ANKS1B: variants seen among roughly 807,000 people sequenced by gnomAD.
ANKS1B encodes ankyrin repeat and sterile alpha motif domain containing 1B.
Under a neutral mutation model 148.3 loss-of-function variants are expected in ANKS1B, and 36 were observed. The observed-to-expected ratio is 0.24, with a 90% CI of 0.19 to 0.32. ANKS1B has a LOEUF of 0.32. Ranked by LOEUF, ANKS1B falls within the 10% of genes least tolerant of loss-of-function variation. ANKS1B has a pLI of 1.00. For synonymous variants in ANKS1B, 542 were observed against 560.8 expected (o/e 0.97, Z 0.47); for missense variants, 1,157 against 1,542.6 (o/e 0.75, Z 4.19).
chr12:99,822,118 T>C (rs1438952209), intron 2 of ANKS1B, among the ~76,000 whole-genome samples: 2 of 152,066 alleles, frequency 1.3e-5, no homozygotes, highest in South Asian at 2.1e-4. Context: ...AATTTATACA[T>C]TTTAAGAGAA....
At chr12:99,615,467 C>T in intron 9 of ANKS1B, among the ~76,000 whole-genome samples, 1 of 152,094 alleles carries the variant, frequency 6.6e-6, no homozygotes, top group East Asian at 1.9e-4. Context: ...AACAAACCTC[C>T]CTGACAATGT....
At chr12:99,316,965 A>AGATCAGATG (rs1566877223) in intron 12 of ANKS1B, among the ~76,000 whole-genome samples, 2 of 152,176 alleles carry the variant, frequency 1.3e-5, no homozygotes, top group Non-Finnish European at 2.9e-5. Flanking sequence ...GGTTTGTGAA[A>AGATCAGATG]GATCAGATGG....
chr12:99,918,444 A>G (rs1308918996), intron 1 of ANKS1B, among the ~76,000 whole-genome samples: 1 of 152,212 alleles, frequency 6.6e-6, no homozygotes, highest in Admixed American at 6.5e-5. Flanking sequence ...CTGATTTAAA[A>G]GAGAATCTGA....
At chr12:99,062,701 G>A (rs952957029) in intron 16 of ANKS1B, among the ~76,000 whole-genome samples, 3 of 152,276 alleles carry the variant, frequency 2.0e-5, no homozygotes, top group Admixed American at 1.3e-4. Context: ...GAAGAAAAGG[G>A]GGAGATGAGA....
intron 10 of ANKS1B, among the ~76,000 whole-genome samples, chr12:99,490,940 T>C (rs2096548939): frequency 6.6e-6 from 1 of 152,224 alleles, no homozygotes; most frequent in South Asian, 2.1e-4. Flanking sequence ...TACAAGATTA[T>C]ATTTTCAGTA....
At chr12:98,982,590 T>G (rs1306841201) in intron 17 of ANKS1B, among the ~76,000 whole-genome samples, 1 of 152,216 alleles carries the variant, frequency 6.6e-6, no homozygotes, top group Admixed American at 6.5e-5. Flanking sequence ...TGCTTGTCAC[T>G]TCAATATATA....
chr12:98,869,106 C>T (rs573851972), intron 17 of ANKS1B, among the ~76,000 whole-genome samples: 2 of 152,258 alleles, frequency 1.3e-5, no homozygotes, highest in African/African-American at 4.8e-5. Flanking sequence ...GGCCAAGTAG[C>T]CCTTGCACAC....
At position 98,803,910 on chromosome 12, in the gene ANKS1B, C is replaced by T. The variant is rs183756745; in HGVS notation, c.3142-2785G>A. Among the ~76,000 whole-genome samples the T allele has an allele frequency of 2.1e-3, 315 of 152,304 alleles. 1 individual carries two copies. Among genetic ancestry groups the T allele is most frequent in the Middle Eastern group, 3.4e-3 (1 of 294 alleles). The stretch of plus-strand genomic sequence containing the variant: ...TGCTGATCCAAATATTTACGTCATC[C>T]ACATAAGTTGTAGCAGCCATTGTGG... On this transcript the variant is annotated intron_variant, in intron 20 of 26. Coordinates refer to ENST00000683438, the MANE Select transcript of ANKS1B (RefSeq NM_001352186.2).
In ANKS1B at chr12:99,703,619, A is replaced by G. The variant is rs186448485; in HGVS notation, c.1129-48409T>C. On this transcript the variant is annotated intron_variant, in intron 8 of 26. Coordinates refer to ENST00000683438, the MANE Select transcript of ANKS1B (RefSeq NM_001352186.2). ...CTCAGCTCAGACACTGCTTTTGTGAAGTCATTGTGAATCCTGTTCTCCTCC... is the reference window on the plus strand; with the variant it reads ...CTCAGCTCAGACACTGCTTTTGTGAGGTCATTGTGAATCCTGTTCTCCTCC... 1.2e-3 allele frequency among the ~76,000 whole-genome samples: 190 copies of G among 152,152 alleles called. 2 individuals carry two copies. The highest frequency in any genetic ancestry group is 0.012 in the Admixed American group (177 of 15,262).
chr12:99,703,257 C>G (rs996504337), intron 8 of ANKS1B, among the ~76,000 whole-genome samples: 2 of 152,034 alleles, frequency 1.3e-5, no homozygotes, highest in Non-Finnish European at 2.9e-5. Context: ...GCCAACTGTC[C>G]TGGTTTGCCT....
At chr12:99,924,642 G>A (rs1223590686) in intron 1 of ANKS1B, among the ~76,000 whole-genome samples, 1 of 152,050 alleles carries the variant, frequency 6.6e-6, no homozygotes, top group African/African-American at 2.4e-5. Context: ...CCTCACGAAT[G>A]GCATTAGCAC....
intron 12 of ANKS1B, among the ~76,000 whole-genome samples, chr12:99,259,973 G>C (rs1379390980): frequency 6.6e-6 from 1 of 152,128 alleles, no homozygotes; most frequent in Non-Finnish European, 1.5e-5. Flanking sequence ...AGAACCAAGA[G>C]GTTTTGTTTC....
chr12:99,490,683 T>C (rs1056814279), intron 10 of ANKS1B, among the ~76,000 whole-genome samples: 13 of 152,194 alleles, frequency 8.5e-5, no homozygotes, highest in African/African-American at 3.1e-4. Context: ...GAATACAATA[T>C]AATCAAGGTA....
chr12:98,923,646 A>C (rs974962129), intron 17 of ANKS1B, among the ~76,000 whole-genome samples: 1 of 152,184 alleles, frequency 6.6e-6, no homozygotes, highest in African/African-American at 2.4e-5. Context: ...GATAACTGAT[A>C]AACCAGCTAG....
intron 19 of ANKS1B, among the ~76,000 whole-genome samples, chr12:98,815,636 TCCC>T (rs1288440682): frequency 8.5e-5 from 13 of 152,270 alleles, no homozygotes; most frequent in African/African-American, 3.1e-4. Flanking sequence ...TGACCTCACC[TCCC>T]TGTGAGCTTC....
intron 12 of ANKS1B, among the ~76,000 whole-genome samples, chr12:99,377,215 C>A (rs2093428093): frequency 6.6e-6 from 1 of 151,968 alleles, no homozygotes; most frequent in East Asian, 1.9e-4. Context: ...ACCATGTTGG[C>A]CAGGATGGTC....
chr12:99,558,371 C>T (rs1043457075), intron 9 of ANKS1B, among the ~76,000 whole-genome samples: 2 of 152,086 alleles, frequency 1.3e-5, no homozygotes, highest in Non-Finnish European at 2.9e-5. Context: ...AGCAGTGGGG[C>T]AGCGGGGTAC....
intron 9 of ANKS1B, among the ~76,000 whole-genome samples, chr12:99,609,492 C>T (rs1314292857): frequency 6.6e-6 from 1 of 151,488 alleles, no homozygotes; most frequent in Non-Finnish European, 1.5e-5. Context: ...TACCACAGGA[C>T]CAAGCAATGA....
intron 11 of ANKS1B, among the ~76,000 whole-genome samples, chr12:99,437,504 C>T (rs1217143295): frequency 6.6e-6 from 1 of 151,808 alleles, no homozygotes; most frequent in African/African-American, 2.4e-5. Context: ...GCCAAAATAG[C>T]CTCTTTTTCT....
Sources: allele counts gnomAD v4.1 joint callset (sites outside exome capture counted in the v4.1 genomes callset), GRCh38; gene constraint gnomAD v4.1.1; transcripts MANE v1.5; gene names NCBI Gene and HGNC (gene_info 2026-07-23, HGNC 2026-07-21).